KHDRBS2: variants seen among roughly 807,000 people sequenced by gnomAD.
The protein encoded by KHDRBS2 is KH domain-containing, RNA-binding, signal transduction-associated protein 2.
KHDRBS2 carries 26 observed loss-of-function variants against 44.3 expected under a neutral mutation model. That is an observed-to-expected ratio of 0.59 (90% CI 0.43 to 0.81). The LOEUF (loss-of-function observed/expected upper bound fraction) is 0.81. Ranked by LOEUF, KHDRBS2 falls within the 40% of genes least tolerant of loss-of-function variation. The pLI is 0.00. For synonymous variants in KHDRBS2, 194 were observed against 151.1 expected, an observed-to-expected ratio of 1.28 and a Z score of -2.08; for missense variants, 476 against 433.1, an observed-to-expected ratio of 1.10 and a Z score of -0.88.
chr6:61,903,265 G>T (rs1423303665), intron 4 of KHDRBS2, among the ~76,000 whole-genome samples: 2 of 152,068 alleles, frequency 1.3e-5, no homozygotes, highest in African/African-American at 4.8e-5. Flanking sequence ...GTTTCAAAGG[G>T]GATCTTTGCA....
chr6:62,199,037 G>A (rs1203885262), intron 1 of KHDRBS2, among the ~76,000 whole-genome samples: 1 of 152,034 alleles, frequency 6.6e-6, no homozygotes, highest in Non-Finnish European at 1.5e-5. Flanking sequence ...AAATTCAACA[G>A]CCCTTCATGC....
chr6:61,955,005 T>G (rs1233934743), intron 4 of KHDRBS2, among the ~76,000 whole-genome samples: 1 of 130,062 alleles, frequency 7.7e-6, no homozygotes, highest in Non-Finnish European at 1.6e-5. Context: ...TAGACATACA[T>G]ATGTATGTAT....
chr6:61,692,713 T>G (rs1277587381), intron 8 of KHDRBS2, among the ~76,000 whole-genome samples: 2 of 152,140 alleles, frequency 1.3e-5, no homozygotes, highest in African/African-American at 2.4e-5. Flanking sequence ...AAATCATTTC[T>G]AGAGGAAGTC....
chr6:61,717,414 C>T (rs1318551306), intron 7 of KHDRBS2, among the ~76,000 whole-genome samples: 1 of 151,924 alleles, frequency 6.6e-6, no homozygotes, highest in African/African-American at 2.4e-5. Flanking sequence ...TAAATTCAAA[C>T]AATATCAAAC....
Position 62,168,116 on chromosome 6 carries a change from C to T in KHDRBS2, c.219+9069G>A, listed in dbSNP as rs374635113. 1.8e-4 allele frequency among the ~76,000 whole-genome samples: 28 copies of T among 152,212 alleles called. No homozygotes were observed. In the East Asian group the frequency reaches 4.4e-3, roughly 24 times the overall value. On this transcript the variant is annotated intron_variant, in intron 2 of 8. Transcript: ENST00000281156. ...ATAGAGCAAGTGAGATGGTTTTAAA[C>T]ACATTTTGGAACTTCAGTTTTCTGC...
intron 6 of KHDRBS2, among the ~76,000 whole-genome samples, chr6:61,829,010 T>G (rs949262584): frequency 1.3e-5 from 2 of 152,238 alleles, no homozygotes; most frequent in African/African-American, 4.8e-5. Context: ...CTTTAAAAAT[T>G]TATGCAGCCT....
chr6:61,702,577 T>G (rs192152307), intron 7 of KHDRBS2, among the ~76,000 whole-genome samples: 1 of 152,076 alleles, frequency 6.6e-6, no homozygotes, highest in East Asian at 1.9e-4. Context: ...TGTTTTAATT[T>G]TAAAGACTGA....
intron 4 of KHDRBS2, among the ~76,000 whole-genome samples, chr6:61,969,436 G>A (rs576374829): frequency 2.6e-5 from 4 of 152,012 alleles, no homozygotes; most frequent in Non-Finnish European, 5.9e-5. Context: ...GGTCTAAAAA[G>A]ATGTCTGTAC....
the KHDRBS2 span, among the ~76,000 whole-genome samples, chr6:61,588,796 A>T: frequency 3.3e-5 from 5 of 152,092 alleles, no homozygotes; most frequent in African/African-American, 9.7e-5. Context: ...TGTCTCAAAA[A>T]AAAAGACTTG....
chr6:62,239,114 T>C (rs1282638048), intron 1 of KHDRBS2, among the ~76,000 whole-genome samples: 2 of 152,226 alleles, frequency 1.3e-5, no homozygotes, highest in Non-Finnish European at 2.9e-5. Flanking sequence ...AATTAAGTAT[T>C]ATTGAATCAA....
chr6:61,774,201 G>A (rs1184598944), intron 6 of KHDRBS2, among the ~76,000 whole-genome samples: 1 of 152,148 alleles, frequency 6.6e-6, no homozygotes, highest in Non-Finnish European at 1.5e-5. Flanking sequence ...GTAGCTTGAT[G>A]GGGATGGCAT....
chr6:61,974,823 C>T (rs1465715211), intron 4 of KHDRBS2, among the ~76,000 whole-genome samples: 6 of 151,670 alleles, frequency 4.0e-5, no homozygotes, highest in Admixed American at 1.3e-4. Flanking sequence ...CTCAGCTACT[C>T]GGGAGGCTGA....
intron 2 of KHDRBS2, among the ~76,000 whole-genome samples, chr6:62,074,715 T>C (rs990331488): frequency 5.9e-5 from 9 of 151,928 alleles, no homozygotes; most frequent in Admixed American, 3.9e-4. Context: ...TTCTTAGTCA[T>C]GTATTCAAAC....
At chr6:62,058,917 T>C (rs1166368027) in intron 2 of KHDRBS2, among the ~76,000 whole-genome samples, 1 of 151,926 alleles carries the variant, frequency 6.6e-6, no homozygotes, top group East Asian at 1.9e-4. Flanking sequence ...GACATATTTG[T>C]ATAAAATAAA....
At chr6:61,904,981 C>A (rs1486168915) in intron 4 of KHDRBS2, among the ~76,000 whole-genome samples, 1 of 152,122 alleles carries the variant, frequency 6.6e-6, no homozygotes, top group African/African-American at 2.4e-5. Context: ...TTGAGCCTAT[C>A]CCATTCAACA....
chr6:62,252,427 A>T (rs557360001), intron 1 of KHDRBS2, among the ~76,000 whole-genome samples: 4 of 152,032 alleles, frequency 2.6e-5, no homozygotes, highest in Non-Finnish European at 5.9e-5. Flanking sequence ...ATCATTTTCT[A>T]TTATGTCTTT....
At chr6:61,564,473 C>T in the KHDRBS2 span, among the ~76,000 whole-genome samples, 11 of 152,036 alleles carry the variant, frequency 7.2e-5, no homozygotes, top group South Asian at 2.1e-4. Flanking sequence ...CTTTTGTTGT[C>T]GTAAGTCATT....
chr6:62,101,181 C>A lies in KHDRBS2; in HGVS notation c.220-53187G>T, dbSNP rs141044748. On this transcript the variant is annotated intron_variant, in intron 2 of 8. Transcript: ENST00000281156. ...GTATGAAAATCTAGGCTTGCACAAT[C>A]AAAATCTCCAAGTTTATACCTATGA... 4.7e-3 allele frequency among the ~76,000 whole-genome samples: 715 copies of A among 152,138 alleles called. 9 individuals are homozygous for A. The highest frequency in any genetic ancestry group is 0.016 in the African/African-American group (675 of 41,480).
At chr6:62,217,552 T>C (rs1327201001) in intron 1 of KHDRBS2, among the ~76,000 whole-genome samples, 2 of 151,756 alleles carry the variant, frequency 1.3e-5, no homozygotes, top group Non-Finnish European at 2.9e-5. Context: ...AGCAAAATAC[T>C]GAAGAAGCAG....
Sources: allele counts gnomAD v4.1 joint callset (sites outside exome capture counted in the v4.1 genomes callset), GRCh38; gene constraint gnomAD v4.1.1; transcripts MANE v1.5; gene names NCBI Gene and HGNC (gene_info 2026-07-23, HGNC 2026-07-21).